The following IPCEF1 variants were observed in gnomAD, a reference collection of about 807,000 sequenced individuals.
The protein encoded by IPCEF1 is interactor protein for cytohesin exchange factors 1.
Under a neutral mutation model 50.9 loss-of-function variants are expected in IPCEF1, and 31 were observed. The observed-to-expected ratio is 0.61, with a 90% confidence interval of 0.46 to 0.82. The LOEUF (loss-of-function observed/expected upper bound fraction) is 0.82, where lower values mean the gene tolerates loss of function less well. IPCEF1 is among the 40% of genes least tolerant of loss of function. The pLI, the probability that IPCEF1 is intolerant of heterozygous loss-of-function variation, is 0.00. For synonymous variants in IPCEF1, 181 were observed against 192.0 expected (o/e 0.94, Z 0.47); for missense variants, 458 against 514.0 (o/e 0.89, Z 1.05).
chr6:154,289,176 G>T (rs1782448728), intron 2 of IPCEF1, among the ~76,000 whole-genome samples: 1 of 151,882 alleles, frequency 6.6e-6, no homozygotes, highest in African/African-American at 2.4e-5. Flanking sequence ...GAATTACACA[G>T]GTATTCAACT....
chr6:154,304,113 C>G (rs980910970), intron 1 of IPCEF1, among the ~76,000 whole-genome samples: 1 of 150,630 alleles, frequency 6.6e-6, no homozygotes, highest in Middle Eastern at 3.6e-3. Context: ...GTCCCAGCTA[C>G]TTGGAAGACT....
At chr6:154,164,548 T>C (rs1378183260) in intron 11 of IPCEF1, among the ~76,000 whole-genome samples, 1 of 152,176 alleles carries the variant, frequency 6.6e-6, no homozygotes, top group African/African-American at 2.4e-5. Context: ...TTTCACAACA[T>C]CCGCTCTGCT....
intron 5 of IPCEF1, among the ~76,000 whole-genome samples, chr6:154,243,737 T>G (rs1484633720): frequency 6.6e-6 from 1 of 152,176 alleles, no homozygotes; most frequent in East Asian, 1.9e-4. Context: ...ATGCTGTAAG[T>G]CATGGGTTTA....
At position 154,156,048 on chromosome 6, in the gene IPCEF1, A is replaced by G. The variant is rs1028754258; in HGVS notation, c.*3780T>C. 9 of 152,260 alleles carry G rather than the reference A, an allele frequency of 5.9e-5. No homozygotes were observed. Among genetic ancestry groups the G allele is most frequent in the African/African-American group, 2.2e-4 (9 of 41,470 alleles). 9.4% of individuals were successfully genotyped at this position (152,260 alleles called of 1,614,324 possible). A position where few individuals can be genotyped will look rare whatever the true frequency, so the allele number is the denominator to read the frequency against. Reference sequence around the variant, plus strand: ...AACATTTGACAGCACATGCCTCAAAAAGCAAACAAAATAAACACTCTCCAT... The same window carrying G: ...AACATTTGACAGCACATGCCTCAAAGAGCAAACAAAATAAACACTCTCCAT... On this transcript the variant is annotated 3_prime_UTR_variant, in exon 12 of 12. Coordinates refer to ENST00000367220, the MANE Select transcript of IPCEF1 (RefSeq NM_001130700.2).
At chr6:154,219,035 A>T (rs1426063117) in intron 7 of IPCEF1, 1 of 152,188 alleles carries the variant, frequency 6.6e-6, no homozygotes, top group Admixed American at 6.5e-5. Context: ...TACCCATGCA[A>T]CTCTACTTAC....
intron 3 of IPCEF1, among the ~76,000 whole-genome samples, chr6:154,259,883 A>G (rs1271267168): frequency 6.6e-6 from 1 of 152,066 alleles, no homozygotes; most frequent in African/African-American, 2.4e-5. Flanking sequence ...TTGGCCCCTT[A>G]TTTCAACATA....
At chr6:154,194,860 A>G (rs1289754271) in intron 10 of IPCEF1, among the ~76,000 whole-genome samples, 5 of 152,204 alleles carry the variant, frequency 3.3e-5, no homozygotes, top group Non-Finnish European at 7.3e-5. Flanking sequence ...GATCAATGCC[A>G]TTGATGCCAA....
intron 5 of IPCEF1, among the ~76,000 whole-genome samples, chr6:154,224,991 A>G (rs1371737756): frequency 6.6e-6 from 1 of 152,216 alleles, no homozygotes. Context: ...ACAAAAAAGT[A>G]TAGTTTTGAA....
intron 9 of IPCEF1, among the ~76,000 whole-genome samples, chr6:154,205,606 C>T (rs117121287): frequency 3.9e-5 from 6 of 152,218 alleles, no homozygotes; most frequent in Non-Finnish European, 8.8e-5. Flanking sequence ...AAAATAAAAA[C>T]ATACACACAC....
At chr6:154,254,902 T>C (rs1781425524) in intron 3 of IPCEF1, among the ~76,000 whole-genome samples, 1 of 152,190 alleles carries the variant, frequency 6.6e-6, no homozygotes, top group Non-Finnish European at 1.5e-5. Context: ...TTTACTTTTA[T>C]TTTTCCCTTT....
chr6:154,178,671 A>G (rs1800567580), intron 10 of IPCEF1, among the ~76,000 whole-genome samples: 1 of 152,232 alleles, frequency 6.6e-6, no homozygotes, highest in Non-Finnish European at 1.5e-5. Context: ...AAAATTTCAT[A>G]TATTATGCTC....
At chr6:154,326,657 T>C (rs1458851748) in intron 1 of IPCEF1, among the ~76,000 whole-genome samples, 1 of 152,220 alleles carries the variant, frequency 6.6e-6, no homozygotes, top group African/African-American at 2.4e-5. Context: ...ACTTATGGAT[T>C]CAATGCTATT....
intron 9 of IPCEF1, among the ~76,000 whole-genome samples, chr6:154,203,000 G>T (rs1001245223): frequency 7.2e-5 from 11 of 152,168 alleles, no homozygotes; most frequent in African/African-American, 2.4e-4. Context: ...AGTGAACCTG[G>T]AGTTTAATTT....
rs1013529062 is a variant in IPCEF1, at chr6:154,271,721, C to T, written c.-17-5757G>A. On this transcript the variant is annotated intron_variant, in intron 2 of 11. Transcript: ENST00000367220. Reference sequence around the variant, plus strand: ...AAACTAGGCCGGGTTCAATGGCTCACATCTGTAATCCCAGCAGTTTGGAAG... The same window carrying T: ...AAACTAGGCCGGGTTCAATGGCTCATATCTGTAATCCCAGCAGTTTGGAAG... Among the ~76,000 whole-genome samples the T allele has an allele frequency of 2.0e-5, 3 of 152,158 alleles. No homozygotes were observed. In the East Asian group the frequency reaches 5.8e-4, roughly 29 times the overall value.
chr6:154,209,853 T>G (rs1165766088), intron 9 of IPCEF1, among the ~76,000 whole-genome samples: 2 of 152,194 alleles, frequency 1.3e-5, no homozygotes. Flanking sequence ...AACGTTTATC[T>G]GACGATTTCC....
intron 11 of IPCEF1, among the ~76,000 whole-genome samples, chr6:154,164,411 A>G (rs937416421): frequency 3.3e-5 from 5 of 152,226 alleles, no homozygotes; most frequent in African/African-American, 1.2e-4. Context: ...ATACAGAAGA[A>G]GGAAATTAAT....
At chr6:154,180,416 T>TATATATATATATATA (rs1562526757) in intron 10 of IPCEF1, among the ~76,000 whole-genome samples, 1 of 51,100 alleles carries the variant, frequency 2.0e-5, no homozygotes, top group South Asian at 6.2e-4. Flanking sequence ...ATATATATAT[T>TATATATATATATATA]TTTTTTTTAA....
intron 11 of IPCEF1, among the ~76,000 whole-genome samples, chr6:154,165,394 C>T (rs1222496081): frequency 6.6e-6 from 1 of 152,302 alleles, no homozygotes; most frequent in South Asian, 2.1e-4. Flanking sequence ...CATGAACATG[C>T]ACACATGTAC....
chr6:154,230,127 T>C (rs980803736), intron 5 of IPCEF1, among the ~76,000 whole-genome samples: 14 of 152,152 alleles, frequency 9.2e-5, no homozygotes, highest in Non-Finnish European at 1.6e-4. Flanking sequence ...TTAAAACTGA[T>C]TTATTATGAT....
Sources: allele counts gnomAD v4.1 joint callset (sites outside exome capture counted in the v4.1 genomes callset), GRCh38; gene constraint gnomAD v4.1.1; transcripts MANE v1.5; gene names NCBI Gene and HGNC (gene_info 2026-07-23, HGNC 2026-07-21).